The following SNTG1 variants were observed in gnomAD, a reference collection of about 807,000 sequenced individuals.
SNTG1 encodes gamma-1-syntrophin.
Under a neutral mutation model 74.7 loss-of-function variants are expected in SNTG1, and 39 were observed. That is an observed-to-expected ratio of 0.52 (90% CI 0.40 to 0.68). The LOEUF is 0.68. Ranked by LOEUF, SNTG1 falls within the 30% of genes least tolerant of loss-of-function variation. The probability of loss-of-function intolerance (pLI) is 0.00; values close to 1 mark genes in which losing one functional copy is unlikely to be tolerated. For missense variants in SNTG1, 685 were observed against 609.5 expected (o/e 1.12, Z -1.30); for synonymous variants, 254 against 217.1 (o/e 1.17, Z -1.49).
intron 2 of SNTG1, among the ~76,000 whole-genome samples, chr8:50,198,639 T>C (rs1354993617): frequency 1.3e-5 from 2 of 152,184 alleles, no homozygotes; most frequent in Admixed American, 1.3e-4. Context: ...CATCCATTTC[T>C]TTTTTAAAAT....
chr8:50,235,524 C>G (rs1184223626), intron 2 of SNTG1, among the ~76,000 whole-genome samples: 1 of 151,910 alleles, frequency 6.6e-6, no homozygotes, highest in African/African-American at 2.4e-5. Flanking sequence ...AACAGGTTTT[C>G]TAAGAAAAAA....
intron 8 of SNTG1, among the ~76,000 whole-genome samples, chr8:50,461,157 GT>G (rs1466603702): frequency 2.4e-3 from 3 of 1,246 alleles, no homozygotes; most frequent in Non-Finnish European, 7.4e-3. Context: ...GATTTTTCTG[GT>G]GTGTGTGTGT....
intron 2 of SNTG1, among the ~76,000 whole-genome samples, chr8:50,246,402 C>A (rs2129784622): frequency 6.6e-6 from 1 of 152,114 alleles, no homozygotes; most frequent in East Asian, 1.9e-4. Flanking sequence ...AATGATGATA[C>A]CAGCCATTTA....
intron 1 of SNTG1, among the ~76,000 whole-genome samples, chr8:50,042,359 G>T (rs1818710312): frequency 6.6e-6 from 1 of 152,064 alleles, no homozygotes; most frequent in South Asian, 2.1e-4. Flanking sequence ...CTTCACAGAG[G>T]AGGTTGAAGA....
At chr8:50,333,106 A>G (rs2091022991) in intron 2 of SNTG1, among the ~76,000 whole-genome samples, 1 of 152,244 alleles carries the variant, frequency 6.6e-6, no homozygotes, top group Non-Finnish European at 1.5e-5. Flanking sequence ...AACTTTGTAA[A>G]AACGTAATAT....
intron 2 of SNTG1, among the ~76,000 whole-genome samples, chr8:50,193,650 G>A (rs1314583500): frequency 6.6e-6 from 1 of 152,054 alleles, no homozygotes. Flanking sequence ...TGCCAATGTG[G>A]ATGCCCTTTA....
chr8:49,951,873 CAAAAAAAAAA>C (rs5891338), intron 1 of SNTG1, among the ~76,000 whole-genome samples: 15 of 56,296 alleles, frequency 2.7e-4, no homozygotes, highest in South Asian at 1.2e-3. Flanking sequence ...GGAAAATTCA[CAAAAAAAAAA>C]AAAAAAAAAA....
intron 1 of SNTG1, among the ~76,000 whole-genome samples, chr8:49,972,383 T>A (rs1811772288): frequency 2.6e-5 from 4 of 152,308 alleles, no homozygotes; most frequent in South Asian, 4.1e-4. Context: ...GATTAAAGAC[T>A]TCAATGTTAG....
At chr8:50,410,904 T>C (rs983830294) in intron 4 of SNTG1, among the ~76,000 whole-genome samples, 4 of 152,244 alleles carry the variant, frequency 2.6e-5, no homozygotes, top group Non-Finnish European at 4.4e-5. Flanking sequence ...CATTCATCTG[T>C]TGATAGACAC....
chr8:50,119,039 G>T (rs2080915291), intron 1 of SNTG1, among the ~76,000 whole-genome samples: 1 of 140,920 alleles, frequency 7.1e-6, no homozygotes, highest in Non-Finnish European at 1.6e-5. Flanking sequence ...AACTGCTGTG[G>T]TGGAGGCACA....
At chr8:50,764,662 A>G (rs1345513751) in intron 18 of SNTG1, among the ~76,000 whole-genome samples, 1 of 151,952 alleles carries the variant, frequency 6.6e-6, no homozygotes, top group Non-Finnish European at 1.5e-5. Context: ...GAACCCCTGT[A>G]TGCTGTTGGT....
intron 1 of SNTG1, among the ~76,000 whole-genome samples, chr8:49,971,252 A>C (rs1811642755): frequency 6.6e-6 from 1 of 152,202 alleles, no homozygotes; most frequent in South Asian, 2.1e-4. Context: ...TATAAACAGA[A>C]CCAAGACAAA....
intron 12 of SNTG1, among the ~76,000 whole-genome samples, chr8:50,556,824 C>A (rs1473637691): frequency 1.3e-5 from 2 of 152,278 alleles, no homozygotes; most frequent in East Asian, 3.9e-4. Context: ...CTGAAGCAGA[C>A]ACTTCTCTTA....
At chr8:50,238,440 T>C (rs941871209) in intron 2 of SNTG1, among the ~76,000 whole-genome samples, 14 of 152,182 alleles carry the variant, frequency 9.2e-5, no homozygotes, top group Admixed American at 9.2e-4. Flanking sequence ...GCTAGTCATA[T>C]GCATGAGATT....
At chr8:50,386,942 TCTGGGAACTGAGTGAG>T (rs2092584536) in intron 2 of SNTG1, among the ~76,000 whole-genome samples, 1 of 152,170 alleles carries the variant, frequency 6.6e-6, no homozygotes, top group Non-Finnish European at 1.5e-5. Context: ...CCATTTCAAT[TCTGGGAACTGAGTGAG>T]AGTCTATGAC....
intron 2 of SNTG1, among the ~76,000 whole-genome samples, chr8:50,277,371 A>C (rs1461697617): frequency 1.3e-5 from 2 of 151,906 alleles, no homozygotes; most frequent in Non-Finnish European, 2.9e-5. Context: ...ATATTCTTTT[A>C]TACTCAATTA....
chr8:50,200,600 G>A (rs973071228), intron 2 of SNTG1, among the ~76,000 whole-genome samples: 4 of 152,098 alleles, frequency 2.6e-5, no homozygotes, highest in African/African-American at 9.7e-5. Context: ...CTACACCAGG[G>A]ATGCCCTTCC....
intron 2 of SNTG1, among the ~76,000 whole-genome samples, chr8:50,263,043 A>T (rs1338042971): frequency 1.3e-5 from 2 of 152,190 alleles, no homozygotes; most frequent in Admixed American, 6.5e-5. Flanking sequence ...TGGTGGATAC[A>T]TGTCATTATA....
chr8:49,930,654 G>T (rs973890672), intron 1 of SNTG1, among the ~76,000 whole-genome samples: 2 of 151,982 alleles, frequency 1.3e-5, no homozygotes, highest in Admixed American at 6.6e-5. Flanking sequence ...AAGAACACCA[G>T]TAAAACCACT....
Sources: allele counts gnomAD v4.1 joint callset (sites outside exome capture counted in the v4.1 genomes callset), GRCh38; gene constraint gnomAD v4.1.1; transcripts MANE v1.5; gene names NCBI Gene and HGNC (gene_info 2026-07-23, HGNC 2026-07-21).